Variants in MAN1A1 observed in about 807,000 individuals in gnomAD.
MAN1A1 encodes the protein mannosyl-oligosaccharide 1,2-alpha-mannosidase IA.
Under a neutral mutation model 70.8 loss-of-function variants are expected in MAN1A1, and 29 were observed. The ratio of observed to expected loss-of-function variants is 0.41; its 90% CI spans 0.31 to 0.56. The LOEUF (loss-of-function observed/expected upper bound fraction) is 0.56. MAN1A1 is among the 20% of genes least tolerant of loss of function. The pLI is 0.29. For missense variants in MAN1A1, 747 were observed against 841.3 expected, an observed-to-expected ratio of 0.89 and a Z score of 1.39; for synonymous variants, 349 against 330.1, an observed-to-expected ratio of 1.06 and a Z score of -0.62.
intron 2 of MAN1A1, among the ~76,000 whole-genome samples, chr6:119,330,325 G>A (rs570567724): frequency 2.0e-5 from 3 of 151,908 alleles, no homozygotes; most frequent in Non-Finnish European, 2.9e-5. Flanking sequence ...CTCTCCTGAC[G>A]ATTCCAACCA....
chr6:119,180,792 C>G (rs11967793), intron 11 of MAN1A1, among the ~76,000 whole-genome samples: 26,090 of 151,958 alleles, frequency 0.17, 2,697 homozygotes, highest in East Asian at 0.3. Flanking sequence ...GGGATTACAG[C>G]CATGAGCCAC....
At chr6:119,219,031 G>C (rs922079120) in intron 6 of MAN1A1, among the ~76,000 whole-genome samples, 5 of 152,178 alleles carry the variant, frequency 3.3e-5, no homozygotes, top group African/African-American at 9.6e-5. Flanking sequence ...AATTAGCCAA[G>C]GGTAAAACTG....
rs533005352 is a variant in MAN1A1 at position 119,182,761 on chromosome 6, A to G, written c.1720-2334T>C. The stretch of plus-strand genomic sequence containing the variant: ...AAAACCCTAATATATTTTATAGTGA[A>G]ATAAAGAAAATGTAAACAAGATATA... On this transcript the variant is annotated intron_variant, in intron 11 of 12. Transcript: ENST00000368468. Among the ~76,000 whole-genome samples the G allele has an allele frequency of 3.9e-5, 6 of 152,302 alleles. No individual in the cohort carries two copies. The South Asian group carries it at 1.2e-3, about 32-fold the overall frequency.
chr6:119,220,065 G>A (rs953478351), intron 6 of MAN1A1, among the ~76,000 whole-genome samples: 5 of 151,974 alleles, frequency 3.3e-5, no homozygotes, highest in African/African-American at 1.2e-4. Flanking sequence ...AATAAAAGTT[G>A]TTCTCTTTAT....
Position 119,204,798 on chromosome 6 carries a change from G to C in MAN1A1, c.1077C>G (p.His359Gln). 3 of 1,614,006 alleles carry C rather than the reference G, an allele frequency of 1.9e-6. No homozygotes were observed. Among genetic ancestry groups the C allele is most frequent in the Non-Finnish European group, 2.5e-6 (3 of 1,179,890 alleles). Residue 359 changes from histidine to glutamine, a missense_variant, in exon 7 of 13, where the codon CAC becomes CAG. Transcript: ENST00000368468. ...TGGGGTTTCCTGATAAGTGGCTCAA[G>C]TGCATAAACTCCAAATGCAGGGTTC... ...EFGTLHLEFM[H>Q]LSHLSGNPIF...
intron 11 of MAN1A1, among the ~76,000 whole-genome samples, chr6:119,182,643 T>C (rs768016800): frequency 3.9e-5 from 6 of 152,158 alleles, no homozygotes; most frequent in Admixed American, 2.6e-4. Context: ...ATTAATTATA[T>C]GGTCAAATAA....
intron 5 of MAN1A1, among the ~76,000 whole-genome samples, chr6:119,260,676 C>T (rs1775583523): frequency 6.6e-6 from 1 of 152,118 alleles, no homozygotes; most frequent in Admixed American, 6.5e-5. Context: ...AACATATTTT[C>T]ATATATCCCA....
chr6:119,289,273 C>A (rs983508616), intron 5 of MAN1A1, among the ~76,000 whole-genome samples: 3 of 151,848 alleles, frequency 2.0e-5, no homozygotes, highest in Non-Finnish European at 2.9e-5. Context: ...AATTGTCTCA[C>A]CTCCACATAG....
At chr6:119,283,741 C>G (rs906291909) in intron 5 of MAN1A1, among the ~76,000 whole-genome samples, 2 of 151,820 alleles carry the variant, frequency 1.3e-5, no homozygotes, top group African/African-American at 2.4e-5. Context: ...AGTGGAAGGT[C>G]CATGAGGACT....
At chr6:119,326,744 A>G (rs1773156877) in intron 2 of MAN1A1, among the ~76,000 whole-genome samples, 1 of 152,186 alleles carries the variant, frequency 6.6e-6, no homozygotes, top group African/African-American at 2.4e-5. Context: ...CACTATCAAG[A>G]GCACAGCATG....
At chr6:119,243,880 A>C (rs1376973385) in intron 6 of MAN1A1, among the ~76,000 whole-genome samples, 1 of 152,032 alleles carries the variant, frequency 6.6e-6, no homozygotes, top group Non-Finnish European at 1.5e-5. Context: ...TCCTATACAC[A>C]CCTTCATGGT....
intron 6 of MAN1A1, among the ~76,000 whole-genome samples, chr6:119,237,471 G>A (rs757974047): frequency 5.3e-5 from 8 of 152,094 alleles, no homozygotes; most frequent in African/African-American, 7.2e-5. Context: ...TTTTAAGAGG[G>A]AGTCACTGCT....
At chr6:119,323,768 T>C (rs1773080262) in intron 2 of MAN1A1, among the ~76,000 whole-genome samples, 1 of 152,172 alleles carries the variant, frequency 6.6e-6, no homozygotes, top group African/African-American at 2.4e-5. Context: ...CAGAATCTTG[T>C]ATGGACAAAT....
chr6:119,295,032 G>A (rs1772165496), intron 4 of MAN1A1, among the ~76,000 whole-genome samples: 1 of 151,950 alleles, frequency 6.6e-6, no homozygotes. Flanking sequence ...ACATGAAAAA[G>A]AGAGTCTAAT....
At chr6:119,286,402 C>T (rs1776375651) in intron 5 of MAN1A1, among the ~76,000 whole-genome samples, 1 of 152,128 alleles carries the variant, frequency 6.6e-6, no homozygotes, top group African/African-American at 2.4e-5. Flanking sequence ...TCTCTCCTCC[C>T]TACTCCACAA....
chr6:119,345,196 G>T (rs199733387), intron 2 of MAN1A1, among the ~76,000 whole-genome samples: 64 of 123,312 alleles, frequency 5.2e-4, no homozygotes, highest in African/African-American at 1.9e-3. Context: ...GGTTGAGGGG[G>T]GGGCGGAGCG....
At chr6:119,330,893 A>G (rs1415915573) in intron 2 of MAN1A1, among the ~76,000 whole-genome samples, 1 of 152,098 alleles carries the variant, frequency 6.6e-6, no homozygotes, top group Non-Finnish European at 1.5e-5. Context: ...AGGTTCCCAT[A>G]GTAACTCTAG....
At chr6:119,188,363 T>C in intron 11 of MAN1A1, 42 bp downstream of exon 11, 1 of 1,529,582 alleles carries the variant, frequency 6.5e-7, no homozygotes, top group Non-Finnish European at 8.8e-7. Context: ...CATTTTTTAC[T>C]ATGAAATTTA....
chr6:119,268,285 T>C (rs1398380467), intron 5 of MAN1A1, among the ~76,000 whole-genome samples: 1 of 152,208 alleles, frequency 6.6e-6, no homozygotes, highest in African/African-American at 2.4e-5. Context: ...ACCAGACTTC[T>C]TCTTCTTTAA....
Sources: allele counts gnomAD v4.1 joint callset (sites outside exome capture counted in the v4.1 genomes callset), GRCh38; gene constraint gnomAD v4.1.1; transcripts MANE v1.5; gene names NCBI Gene and HGNC (gene_info 2026-07-23, HGNC 2026-07-21).